The following WWTR1 variants were observed in gnomAD, a reference collection of about 807,000 sequenced individuals.
WWTR1 encodes the protein WW domain containing transcription regulator 1.
Under a neutral mutation model 40.1 loss-of-function variants are expected in WWTR1, and 13 were observed. The ratio of observed to expected loss-of-function variants is 0.32; its 90% CI spans 0.21 to 0.52. WWTR1 has a LOEUF of 0.52. Among genes scored for constraint, WWTR1 ranks in the 20% least tolerant of loss-of-function variants. WWTR1 has a pLI of 0.97. For missense variants in WWTR1, 436 were observed against 523.1 expected, an observed-to-expected ratio of 0.83 and a Z score of 1.63; for synonymous variants, 230 against 210.1, an observed-to-expected ratio of 1.09 and a Z score of -0.82.
At chr3:149,680,690 G>T (rs753438821) in intron 1 of WWTR1, among the ~76,000 whole-genome samples, 34 of 151,578 alleles carry the variant, frequency 2.2e-4, no homozygotes, top group Non-Finnish European at 4.1e-4. Flanking sequence ...AATGAAAAAA[G>T]AATTAACCAG....
chr3:149,634,203 G>C (rs888047533), intron 2 of WWTR1, among the ~76,000 whole-genome samples: 1 of 152,206 alleles, frequency 6.6e-6, no homozygotes, highest in Non-Finnish European at 1.5e-5. Context: ...CCAAGTTTAA[G>C]TCCTTACTAG....
rs529903129 is a variant in WWTR1 at position 149,555,521 on chromosome 3, G to T, written c.569-12984C>A. Reference sequence around the variant, plus strand: ...AAACGAAAGAAGAATGTAACCAGGGGTAACAGGATTAGGAAATCTGGTAGA... The same window carrying T: ...AAACGAAAGAAGAATGTAACCAGGGTTAACAGGATTAGGAAATCTGGTAGA... On this transcript the variant is annotated intron_variant, in intron 3 of 6. Transcript: ENST00000360632. Among the ~76,000 whole-genome samples, 11 of 152,068 alleles carry T rather than the reference G, an allele frequency of 7.2e-5. No homozygotes were observed. In the South Asian group the frequency reaches 2.3e-3, roughly 32 times the overall value.
At chr3:149,706,716 A>G (rs1190401995), upstream of WWTR1, among the ~76,000 whole-genome samples, 2 of 152,196 alleles carry the variant, frequency 1.3e-5, no homozygotes, top group African/African-American at 4.8e-5. Context: ...AAGAAGGGAG[A>G]TCATCTTAAT....
At chr3:149,658,920 G>A (rs1713429398), upstream of WWTR1, among the ~76,000 whole-genome samples, 2 of 152,284 alleles carry the variant, frequency 1.3e-5, no homozygotes, top group South Asian at 2.1e-4. Context: ...GATGGAACCC[G>A]AGCAGGTGGC....
chr3:149,631,059 T>G (rs901960926), intron 2 of WWTR1, among the ~76,000 whole-genome samples: 1 of 152,160 alleles, frequency 6.6e-6, no homozygotes, highest in African/African-American at 2.4e-5. Context: ...TTTTCACAGT[T>G]GCCATTAATG....
In WWTR1 at chr3:149,526,112, A is replaced by T. The variant is rs1233442060; in HGVS notation, c.919T>A (p.Ser307Thr). 1 of 1,607,104 alleles carries T rather than the reference A, an allele frequency of 6.2e-7. No homozygotes were observed. The highest frequency in any genetic ancestry group is 1.3e-5 in the African/African-American group (1 of 74,550). The change falls in exon 6 of 7, where the codon TCG becomes ACG. Residue 307 changes from serine to threonine, a missense_variant. Physicochemically the swap from Ser to Thr is moderately conservative, Grantham distance 58. Coordinates refer to ENST00000360632, the MANE Select transcript of WWTR1 (RefSeq NM_015472.6). ...CCACTGTCAGTGCTCTGCTCCCTCGAATGATATGGCCCTCTGCAAAGCAAA... is the reference window on the plus strand; with the variant it reads ...CCACTGTCAGTGCTCTGCTCCCTCGTATGATATGGCCCTCTGCAAAGCAAA... ...DPFLNGGPYH[S>T]REQSTDSGLG...
chr3:149,617,084 T>C (rs1238074858), intron 2 of WWTR1, among the ~76,000 whole-genome samples: 1 of 152,242 alleles, frequency 6.6e-6, no homozygotes. Flanking sequence ...TTTTTAGACA[T>C]GCTATCTCTT....
At chr3:149,606,322 T>C (rs1739484630) in intron 2 of WWTR1, among the ~76,000 whole-genome samples, 1 of 152,194 alleles carries the variant, frequency 6.6e-6, no homozygotes, top group Admixed American at 6.5e-5. Flanking sequence ...GTCAAAAATG[T>C]GTCTGCTATA....
chr3:149,585,746 G>GT (rs1738391996), intron 2 of WWTR1, among the ~76,000 whole-genome samples: 1 of 152,174 alleles, frequency 6.6e-6, no homozygotes, highest in Non-Finnish European at 1.5e-5. Context: ...AAAAAGCACA[G>GT]TAAGATTGAA....
At chr3:149,682,538 G>A (rs1432611248) in intron 1 of WWTR1, among the ~76,000 whole-genome samples, 1 of 152,150 alleles carries the variant, frequency 6.6e-6, no homozygotes, top group Non-Finnish European at 1.5e-5. Flanking sequence ...TGGTCTAGAA[G>A]AGAAGCATAC....
chr3:149,617,553 AC>A (rs1740042400), intron 2 of WWTR1, among the ~76,000 whole-genome samples: 1 of 152,226 alleles, frequency 6.6e-6, no homozygotes, highest in Non-Finnish European at 1.5e-5. Flanking sequence ...TAATCCCAGC[AC>A]TTTGGGATGC....
At chr3:149,626,798 C>T (rs747226528) in intron 2 of WWTR1, among the ~76,000 whole-genome samples, 9 of 152,168 alleles carry the variant, frequency 5.9e-5, no homozygotes, top group Non-Finnish European at 1.3e-4. Context: ...GTATCAAAAA[C>T]AAGGTGTTGC....
intron 2 of WWTR1, among the ~76,000 whole-genome samples, chr3:149,652,115 T>C (rs1712914244): frequency 6.6e-6 from 1 of 150,720 alleles, no homozygotes; most frequent in African/African-American, 2.4e-5. Context: ...AGTGCTGGGA[T>C]TACAGGCATG....
Position 149,673,389 on chromosome 3 carries a change from C to A in WWTR1, c.-107-3498G>T, listed in dbSNP as rs557536430. On this transcript the variant is annotated intron_variant, in intron 1 of 7. Transcript: ENST00000465804. ...TGAATTTTTAATCCATGAATTCTAT[C>A]TTGTGTAGTAGAGAATGTAGTAACC... Among the ~76,000 whole-genome samples, 16 of 152,202 alleles carry A rather than the reference C, an allele frequency of 1.1e-4. No individual in the cohort carries two copies. The South Asian group carries it at 3.3e-3, about 32-fold the overall frequency.
At chr3:149,546,840 C>G (rs1376621737) in intron 3 of WWTR1, among the ~76,000 whole-genome samples, 1 of 152,132 alleles carries the variant, frequency 6.6e-6, no homozygotes, top group Non-Finnish European at 1.5e-5. Flanking sequence ...CTTGGTGCAA[C>G]CTCTCCTTAT....
At chr3:149,716,494 A>G (rs1715609901) in intron 5 of WWTR1, among the ~76,000 whole-genome samples, 1 of 152,216 alleles carries the variant, frequency 6.6e-6, no homozygotes, top group South Asian at 2.1e-4. Context: ...AGAAAGATAA[A>G]AACAATCCTA....
chr3:149,699,116 C>G (rs1715086170), intron 1 of WWTR1, among the ~76,000 whole-genome samples: 1 of 152,216 alleles, frequency 6.6e-6, no homozygotes, highest in Non-Finnish European at 1.5e-5. Context: ...TGCCACATGG[C>G]AAGGCTACAA....
chr3:149,624,966 A>G (rs1168390182), intron 2 of WWTR1, among the ~76,000 whole-genome samples: 1 of 151,598 alleles, frequency 6.6e-6, no homozygotes, highest in Non-Finnish European at 1.5e-5. Context: ...CCTGACCTCA[A>G]GTGATCCACA....
chr3:149,544,676 C>T (rs572657832), intron 3 of WWTR1, among the ~76,000 whole-genome samples: 4 of 152,246 alleles, frequency 2.6e-5, no homozygotes, highest in Middle Eastern at 6.8e-3. Flanking sequence ...GTCCAACTGT[C>T]CCTAGCCACC....
Sources: allele counts gnomAD v4.1 joint callset (sites outside exome capture counted in the v4.1 genomes callset), GRCh38; gene constraint gnomAD v4.1.1; transcripts MANE v1.5; gene names NCBI Gene and HGNC (gene_info 2026-07-23, HGNC 2026-07-21).